Variants in STXBP5L observed in about 807,000 individuals in gnomAD.
STXBP5L encodes syntaxin-binding protein 5-like.
STXBP5L carries 65 observed loss-of-function variants against 144.5 expected under a neutral mutation model. That is an observed-to-expected ratio of 0.45 (90% CI 0.37 to 0.55). The LOEUF (loss-of-function observed/expected upper bound fraction) is 0.55, where lower values mean the gene tolerates loss of function less well. STXBP5L is among the 20% of genes least tolerant of loss of function. The probability of loss-of-function intolerance (pLI) is 0.00; values close to 1 mark genes in which losing one functional copy is unlikely to be tolerated. For missense variants in STXBP5L, 1,298 were observed against 1,405.5 expected, an observed-to-expected ratio of 0.92 and a Z score of 1.22; for synonymous variants, 505 against 469.6, an observed-to-expected ratio of 1.08 and a Z score of -0.97.
rs575717136 is a variant in STXBP5L, at chr3:121,323,272, T to C, written c.2176+4732T>C. Among the ~76,000 whole-genome samples the C allele has an allele frequency of 2.0e-5, 3 of 152,324 alleles. No individual in the cohort carries two copies. In the South Asian group the frequency reaches 6.2e-4, roughly 32 times the overall value. On this transcript the variant is annotated intron_variant, in intron 20 of 26. Transcript: ENST00000471454. ...GTCATAAATTCTTTTTCAAGGCCAG[T>C]GTTCACAATGGTGTTTCCTAGGTTT... is the stretch of plus-strand genomic sequence containing the variant.
At chr3:120,944,252 A>G (rs957399550) in intron 2 of STXBP5L, among the ~76,000 whole-genome samples, 1 of 151,624 alleles carries the variant, frequency 6.6e-6, no homozygotes. Flanking sequence ...TTAAGTAAAA[A>G]TACAAAAATA....
intron 19 of STXBP5L, among the ~76,000 whole-genome samples, chr3:121,302,008 T>C (rs1255934904): frequency 1.3e-5 from 2 of 152,144 alleles, no homozygotes; most frequent in African/African-American, 4.8e-5. Flanking sequence ...TAAAATTCTC[T>C]TTTTTTGTTG....
At chr3:121,217,059 C>T (rs2048802573) in intron 10 of STXBP5L, among the ~76,000 whole-genome samples, 1 of 152,158 alleles carries the variant, frequency 6.6e-6, no homozygotes, top group Non-Finnish European at 1.5e-5. Flanking sequence ...CCCAGATCGA[C>T]CTCAGACTGC....
intron 23 of STXBP5L, among the ~76,000 whole-genome samples, chr3:121,411,996 A>G (rs2047124166): frequency 6.6e-6 from 1 of 152,090 alleles, no homozygotes; most frequent in Non-Finnish European, 1.5e-5. Context: ...TAATCCATCA[A>G]GAACATTTGC....
At position 121,036,422 on chromosome 3, in the gene STXBP5L, T is replaced by A. The variant is rs192469850; in HGVS notation, c.288-5278T>A. Among the ~76,000 whole-genome samples, 304 of 152,292 alleles carry A rather than the reference T, an allele frequency of 2.0e-3. 2 individuals carry two copies. The Middle Eastern group carries it at 0.027, about 14-fold the overall frequency. ...TTATGGTTTTCCTATATAAATTTGA[T>A]GTTTTCTGCAAATAGAGTTGTCTTC... On this transcript the variant is annotated intron_variant, in intron 3 of 26. Transcript: ENST00000471454.
At chr3:121,004,754 G>A (rs963923624) in intron 3 of STXBP5L, among the ~76,000 whole-genome samples, 10 of 152,124 alleles carry the variant, frequency 6.6e-5, no homozygotes, top group African/African-American at 2.4e-4. Flanking sequence ...AGAGTTTTTA[G>A]CATGAAGCGT....
chr3:121,140,539 T>C (rs1004041412), intron 7 of STXBP5L, among the ~76,000 whole-genome samples: 2 of 152,178 alleles, frequency 1.3e-5, no homozygotes, highest in African/African-American at 4.8e-5. Flanking sequence ...ATATTCACAA[T>C]GGAATACTAT....
intron 15 of STXBP5L, among the ~76,000 whole-genome samples, chr3:121,253,940 A>G (rs1252305345): frequency 1.3e-5 from 2 of 150,878 alleles, no homozygotes; most frequent in Non-Finnish European, 2.9e-5. Flanking sequence ...GGCGTGAGCC[A>G]CTGCGCCCGG....
intron 5 of STXBP5L, among the ~76,000 whole-genome samples, chr3:121,048,746 C>A (rs1426948411): frequency 6.7e-6 from 1 of 149,782 alleles, no homozygotes; most frequent in Non-Finnish European, 1.5e-5. Context: ...AGTGCAGTGG[C>A]ACAATCTTGG....
At chr3:121,190,120 G>C (rs1652814274) in intron 9 of STXBP5L, among the ~76,000 whole-genome samples, 1 of 151,876 alleles carries the variant, frequency 6.6e-6, no homozygotes, top group South Asian at 2.1e-4. Flanking sequence ...GGATTTGGTA[G>C]GTTCATAGGA....
intron 5 of STXBP5L, among the ~76,000 whole-genome samples, chr3:121,060,588 A>T (rs1051232191): frequency 2.6e-5 from 4 of 152,198 alleles, no homozygotes; most frequent in Non-Finnish European, 4.4e-5. Flanking sequence ...TTCAGCTGTG[A>T]ATCTGTCTTG....
In STXBP5L at chr3:121,041,787, G is replaced by A. The variant is rs774174950; in HGVS notation, c.369+6G>A. ...TCCAATTTTTGATCAATGAGGTAAG[G>A]ATTATTTTTTGACTACTTAAATCAC... On this transcript the variant is annotated splice_donor_region_variant and intron_variant, in intron 4 of 26. Coordinates refer to ENST00000471454, the MANE Select transcript of STXBP5L (RefSeq NM_001308330.2). 31 of 1,608,564 alleles carry A rather than the reference G, an allele frequency of 1.9e-5. No homozygotes were observed. In the South Asian group the frequency reaches 2.3e-4, roughly 12 times the overall value.
At chr3:121,036,955 C>T (rs549740630) in intron 3 of STXBP5L, among the ~76,000 whole-genome samples, 2 of 151,878 alleles carry the variant, frequency 1.3e-5, no homozygotes, top group African/African-American at 2.4e-5. Context: ...GAGATGAGGT[C>T]TTTCTCTGTC....
intron 20 of STXBP5L, among the ~76,000 whole-genome samples, chr3:121,338,245 A>C (rs897535403): frequency 6.6e-6 from 1 of 152,154 alleles, no homozygotes; most frequent in Non-Finnish European, 1.5e-5. Context: ...GAAAAATAAT[A>C]CAATAGATCA....
intron 3 of STXBP5L, among the ~76,000 whole-genome samples, chr3:120,976,768 G>A (rs1941080427): frequency 1.3e-5 from 2 of 152,164 alleles, no homozygotes; most frequent in Admixed American, 1.3e-4. Flanking sequence ...TGGTTTCAAA[G>A]AACATCTTTA....
At chr3:121,197,552 AG>A (rs1273971601) in intron 9 of STXBP5L, among the ~76,000 whole-genome samples, 3 of 152,178 alleles carry the variant, frequency 2.0e-5, no homozygotes, top group African/African-American at 7.2e-5. Context: ...TTTGTTACAT[AG>A]GTATACATGT....
intron 5 of STXBP5L, among the ~76,000 whole-genome samples, chr3:121,053,362 CA>C (rs1948180895): frequency 6.6e-6 from 1 of 152,074 alleles, no homozygotes. Flanking sequence ...CTACAGTAAC[CA>C]AAACAGCATG....
At position 121,172,658 on chromosome 3, in the gene STXBP5L, A is replaced by G. The variant is rs555935853; in HGVS notation, c.877+15031A>G. Among the ~76,000 whole-genome samples, 87 of 152,274 alleles carry G rather than the reference A, an allele frequency of 5.7e-4. No individual in the cohort carries two copies. In the East Asian group the frequency reaches 7.3e-3, roughly 13 times the overall value. On this transcript the variant is annotated intron_variant, in intron 9 of 26. Coordinates refer to ENST00000471454, the MANE Select transcript of STXBP5L (RefSeq NM_001308330.2). ...ACCATCTCAGGCCAGTTAGAATGGCAATCATTAAAAAGTCAGGAAACAACA... is the reference window on the plus strand; with the variant it reads ...ACCATCTCAGGCCAGTTAGAATGGCGATCATTAAAAAGTCAGGAAACAACA...
intron 2 of STXBP5L, among the ~76,000 whole-genome samples, chr3:120,925,849 A>G (rs750014789): frequency 2.6e-5 from 4 of 152,208 alleles, no homozygotes; most frequent in Non-Finnish European, 4.4e-5. Flanking sequence ...CTTACAGAGA[A>G]CATCTTATAG....
Sources: gnomAD v4.1 joint callset for allele counts (sites outside exome capture counted in the v4.1 genomes callset) on GRCh38, gnomAD v4.1.1 for gene constraint, MANE v1.5 for transcripts, NCBI Gene and HGNC (gene_info 2026-07-23, HGNC 2026-07-21) for gene names.